The following RAB32 variants were observed in gnomAD, a reference collection of about 807,000 sequenced individuals.
RAB32 encodes the protein RAB32, member RAS oncogene family, also known as ras-related protein Rab-32.
A neutral mutation model predicts 17.5 loss-of-function variants in RAB32; 17 were observed. The observed-to-expected ratio is 0.97, with a 90% CI of 0.67 to 1.46. RAB32 has a LOEUF of 1.46. Among genes scored for constraint, RAB32 ranks in the 40% most tolerant of loss-of-function variants. The pLI, the probability that RAB32 is intolerant of heterozygous loss-of-function variation, is 0.00. For missense variants in RAB32, 288 were observed against 284.3 expected, an observed-to-expected ratio of 1.01 and a Z score of -0.09; for synonymous variants, 115 against 111.1, an observed-to-expected ratio of 1.04 and a Z score of -0.22.
intron 1 of RAB32, 73 bp downstream of exon 1, chr6:146,544,194 T>C (rs929088625): frequency 1.3e-5 from 19 of 1,485,602 alleles, no homozygotes; most frequent in South Asian, 6.6e-5. Flanking sequence ...TCTTTTCTTT[T>C]TCTTTTCTGC....
At chr6:146,546,460 G>C (rs1779822126) in intron 1 of RAB32, among the ~76,000 whole-genome samples, 1 of 151,754 alleles carries the variant, frequency 6.6e-6, no homozygotes, top group African/African-American at 2.4e-5. Flanking sequence ...AACTGTTTTA[G>C]AGACCAAAAA....
intron 2 of RAB32, among the ~76,000 whole-genome samples, chr6:146,551,592 G>GAAAA (rs35080011): frequency 3.5e-5 from 5 of 144,742 alleles, no homozygotes; most frequent in African/African-American, 5.2e-5. Context: ...GTAAAAAGAC[G>GAAAA]AAAAAAAAAA....
chr6:146,550,509 T>C (rs1330613453), intron 2 of RAB32, among the ~76,000 whole-genome samples: 1 of 151,130 alleles, frequency 6.6e-6, no homozygotes, highest in African/African-American at 2.4e-5. Flanking sequence ...ATACACAAAG[T>C]AGCTGAGCAT....
At chr6:146,553,502 A>C (rs965576970) in intron 2 of RAB32, among the ~76,000 whole-genome samples, 1 of 152,176 alleles carries the variant, frequency 6.6e-6, no homozygotes, top group African/African-American at 2.4e-5. Context: ...TTCACCGGCC[A>C]GTGCTCTCTG....
chr6:146,548,023 A>G (rs1322970043), intron 1 of RAB32, among the ~76,000 whole-genome samples: 2 of 152,194 alleles, frequency 1.3e-5, no homozygotes, highest in Non-Finnish European at 2.9e-5. Flanking sequence ...AATCATTTCA[A>G]TGCATATAGT....
At position 146,553,819 on chromosome 6, in the gene RAB32, T is replaced by A. The variant is rs569195704; in HGVS notation, c.529-637T>A. On this transcript the variant is annotated intron_variant, in intron 2 of 2. Transcript: ENST00000367495. ...CCAAAATTATTTAAAAATGAACAGT[T>A]AAATATATTTAAAAATAAGCACAGT... 9.8e-5 allele frequency among the ~76,000 whole-genome samples: 15 copies of A among 152,344 alleles called. No individual in the cohort carries two copies. The South Asian group carries it at 3.1e-3, about 32-fold the overall frequency.
Position 146,554,528 on chromosome 6 carries a change from A to T in RAB32, c.601A>T (p.Asn201Tyr), listed in dbSNP as rs1378940688. The stretch of plus-strand genomic sequence containing the variant: ...TCTTGTAAACCACCAAAGCTTTCCT[A>T]ATGAAGAAAACGATGTGGACAAAAT... The part of the protein sequence containing the change: ...KILVNHQSFP[N>Y]EENDVDKIKL... The change falls in exon 3 of 3, where the codon AAT (asparagine) becomes TAT (tyrosine). Residue 201 changes from asparagine (N) to tyrosine (Y), a missense_variant. Asn to Tyr is a moderately radical substitution (Grantham distance 143). Coordinates refer to ENST00000367495, the MANE Select transcript of RAB32 (RefSeq NM_006834.5). The T allele has an allele frequency of 6.2e-7, 1 of 1,613,970 alleles. No individual in the cohort carries two copies. The highest frequency in any genetic ancestry group is 1.7e-5 in the Admixed American group (1 of 60,006).
chr6:146,544,254 A>C, intron 1 of RAB32, 133 bp downstream of exon 1: 15 of 1,196,968 alleles, frequency 1.3e-5, no homozygotes, highest in Non-Finnish European at 1.3e-5. Flanking sequence ...GGCCCAATCC[A>C]AGGGCGAGAT....
intron 1 of RAB32, among the ~76,000 whole-genome samples, chr6:146,544,972 G>T (rs1217810659): frequency 6.6e-6 from 1 of 152,154 alleles, no homozygotes; most frequent in African/African-American, 2.4e-5. Context: ...CCAAGTGCCA[G>T]TGGCTCACGC....
chr6:146,549,645 A>C lies in RAB32; in HGVS notation c.432A>C (p.Lys144Asn), dbSNP rs1804729. 2 of 1,614,044 alleles carry C rather than the reference A, an allele frequency of 1.2e-6. No homozygotes were observed. Among genetic ancestry groups the C allele is most frequent in the Admixed American group, 3.3e-5 (2 of 60,002 alleles). Reference protein sequence around the residue: ...SPIPAVLLANKCDQNKDSSQS... With the variant: ...SPIPAVLLANNCDQNKDSSQS... ...TCCCTGCTGTCCTCTTGGCTAACAAATGTGACCAGAACAAGGACAGTAGCC... is the reference window on the plus strand; with the variant it reads ...TCCCTGCTGTCCTCTTGGCTAACAACTGTGACCAGAACAAGGACAGTAGCC... The change falls in exon 2 of 3, where the codon AAA becomes AAC. Residue 144 changes from lysine to asparagine, a missense_variant. Physicochemically the swap from Lys to Asn is moderately conservative, Grantham distance 94 (BLOSUM62 0). Coordinates refer to ENST00000367495, the MANE Select transcript of RAB32 (RefSeq NM_006834.5).
chr6:146,553,725 G>A (rs1486635846), intron 2 of RAB32, among the ~76,000 whole-genome samples: 1 of 152,126 alleles, frequency 6.6e-6, no homozygotes, highest in African/African-American at 2.4e-5. Context: ...GGTTATCTAA[G>A]ATGTTAACAT....
intron 1 of RAB32, among the ~76,000 whole-genome samples, chr6:146,546,159 T>C (rs1195801238): frequency 6.6e-6 from 1 of 152,156 alleles, no homozygotes; most frequent in Non-Finnish European, 1.5e-5. Flanking sequence ...TCTGCCTAGA[T>C]GGGATATCCT....
intron 1 of RAB32, among the ~76,000 whole-genome samples, chr6:146,548,738 T>C (rs1171011808): frequency 6.6e-6 from 1 of 152,340 alleles, no homozygotes; most frequent in African/African-American, 2.4e-5. Flanking sequence ...ATTAGTACAA[T>C]AGCAGATAGT....
At position 146,554,663 on chromosome 6, in the gene RAB32, G is replaced by T. The variant is rs1357655865; in HGVS notation, c.*58G>T. Reference sequence around the variant, plus strand: ...AGCTCTGAAGAAGTTCCTGAGAATGGGTTACAGATGTCATGTTAGCTGGGA... The same window carrying T: ...AGCTCTGAAGAAGTTCCTGAGAATGTGTTACAGATGTCATGTTAGCTGGGA... On this transcript the variant is annotated 3_prime_UTR_variant, in exon 3 of 3. Coordinates refer to ENST00000367495, the MANE Select transcript of RAB32 (RefSeq NM_006834.5). 1 of 1,539,692 alleles carries T rather than the reference G, an allele frequency of 6.5e-7. No homozygotes were observed. The highest frequency in any genetic ancestry group is 1.4e-5 in the African/African-American group (1 of 72,206).
intron 1 of RAB32, among the ~76,000 whole-genome samples, chr6:146,548,551 G>A (rs147579405): frequency 5.9e-5 from 9 of 152,228 alleles, no homozygotes; most frequent in Non-Finnish European, 1.2e-4. Flanking sequence ...CTAAGTCAAG[G>A]CAACTGCAAG....
At chr6:146,548,071 C>A (rs1401796865) in intron 1 of RAB32, among the ~76,000 whole-genome samples, 1 of 152,070 alleles carries the variant, frequency 6.6e-6, no homozygotes, top group African/African-American at 2.4e-5. Context: ...GTTGGCATAT[C>A]ATGTAAGTTT....
chr6:146,549,219 G>GTT (rs1392723748), intron 1 of RAB32, among the ~76,000 whole-genome samples: 1 of 152,120 alleles, frequency 6.6e-6, no homozygotes, highest in African/African-American at 2.4e-5. Context: ...TGTCATATTG[G>GTT]TTTTTATGGA....
rs1262031954 is a variant in RAB32, at chr6:146,543,888, C to G, written c.17C>G (p.Ala6Gly). Residue 6 changes from alanine (A) to glycine (G), a missense_variant, in exon 1 of 3, where the codon GCC (alanine) becomes GGC (glycine). Physicochemically the swap from Ala to Gly is moderately conservative, Grantham distance 60. Coordinates refer to ENST00000367495, the MANE Select transcript of RAB32 (RefSeq NM_006834.5). ...GCAGCGCTCATGGCGGGCGGAGGAG[C>G]CGGGGACCCCGGCCTGGGGGCGGCC... MAGGG[A>G]GDPGLGAAAA... 1 of 1,501,026 alleles carries G rather than the reference C, an allele frequency of 6.7e-7. No homozygotes were observed. Among genetic ancestry groups the G allele is most frequent in the Non-Finnish European group, 8.9e-7 (1 of 1,127,434 alleles). 93.0% of individuals were successfully genotyped at this position (1,501,026 alleles called of 1,614,324 possible).
Position 146,554,707 on chromosome 6 carries a change from C to G in RAB32, c.*102C>G. The G allele has an allele frequency of 7.5e-7, 1 of 1,335,970 alleles. No individual in the cohort carries two copies. The highest frequency in any genetic ancestry group is 1.0e-6 in the Non-Finnish European group (1 of 982,270). 82.8% of individuals were successfully genotyped at this position (1,335,970 alleles called of 1,614,324 possible). ...GCTGGGAGTCTTCCCACATGTGGCA[C>G]TTCAAAAGGCAGCACCACTGGGCGC... On this transcript the variant is annotated 3_prime_UTR_variant, in exon 3 of 3. Coordinates refer to ENST00000367495, the MANE Select transcript of RAB32 (RefSeq NM_006834.5).
Sources: allele counts gnomAD v4.1 joint callset (sites outside exome capture counted in the v4.1 genomes callset), GRCh38; gene constraint gnomAD v4.1.1; transcripts MANE v1.5; gene names NCBI Gene and HGNC (gene_info 2026-07-23, HGNC 2026-07-21).